CLK4: variants seen among roughly 807,000 people sequenced by gnomAD.
CLK4 encodes dual specificity protein kinase CLK4.
In CLK4, 37 loss-of-function variants were observed where a neutral mutation model predicts 64.4. The ratio of observed to expected loss-of-function variants is 0.57; its 90% CI spans 0.44 to 0.76. The LOEUF is 0.76. Ranked by LOEUF, CLK4 falls within the 30% of genes least tolerant of loss-of-function variation. The probability of loss-of-function intolerance (pLI) is 0.00; values close to 1 mark genes in which losing one functional copy is unlikely to be tolerated. For missense variants in CLK4, 457 were observed against 605.1 expected (o/e 0.76, Z 2.57); for synonymous variants, 175 against 191.6 (o/e 0.91, Z 0.72).
intron 7 of CLK4, 37 bp from the exon 8 acceptor site, chr5:178,612,927 AC>A: frequency 9.1e-7 from 1 of 1,099,958 alleles, no homozygotes. Flanking sequence ...AGTTTCACTT[AC>A]AAACTTAATT....
intron 10 of CLK4, 61 bp downstream of exon 10, chr5:178,608,315 G>T: frequency 1.6e-6 from 2 of 1,215,760 alleles, no homozygotes; most frequent in Non-Finnish European, 2.3e-6. Flanking sequence ...CAAAACTTTA[G>T]CATACCTTTA....
chr5:178,605,509 C>A, intron 10 of CLK4, 127 bp from the exon 11 acceptor site: 1 of 501,464 alleles, frequency 2.0e-6, no homozygotes, highest in Non-Finnish European at 3.4e-6. Flanking sequence ...AATAACTGGG[C>A]AAGGTTACCA....
intron 2 of CLK4, among the ~76,000 whole-genome samples, chr5:178,619,149 TTGTAA>T (rs1764670036): frequency 6.6e-6 from 1 of 152,208 alleles, no homozygotes; most frequent in African/African-American, 2.4e-5. Context: ...TTCCTTTCTC[TTGTAA>T]TGTAAGAGCA....
At chr5:178,620,346 T>C (rs1190963422) in intron 2 of CLK4, 1 of 237,308 alleles carries the variant, frequency 4.2e-6, no homozygotes, top group Non-Finnish European at 8.6e-6. Context: ...AAACTAGCAC[T>C]AACAATCTTT....
intron 9 of CLK4, among the ~76,000 whole-genome samples, chr5:178,611,909 A>G (rs999832580): frequency 2.0e-5 from 3 of 152,276 alleles, no homozygotes; most frequent in African/African-American, 4.8e-5. Context: ...CACTCCCTTA[A>G]TAAGTCCCTT....
At chr5:178,607,507 CTTTTTT>C (rs70997615) in intron 10 of CLK4, among the ~76,000 whole-genome samples, 14 of 78,060 alleles carry the variant, frequency 1.8e-4, no homozygotes, top group Admixed American at 7.6e-4. Flanking sequence ...TACACTTTGT[CTTTTTT>C]TTTTTTTTTT....
chr5:178,624,896 T>C (rs773581350), intron 1 of CLK4, among the ~76,000 whole-genome samples: 30 of 152,208 alleles, frequency 2.0e-4, no homozygotes, highest in Non-Finnish European at 3.8e-4. Flanking sequence ...CAGAGTCTGA[T>C]TGCCACCAGA....
At position 178,617,315 on chromosome 5, in the gene CLK4, T is replaced by C. The variant is rs777778200; in HGVS notation, c.475+29A>G. On this transcript the variant is annotated intron_variant, in intron 4 of 12. Transcript: ENST00000316308. This position sits in a 1 kb window ranked among gnomAD's most constrained non-coding sequence, Gnocchi z 5.2. The stretch of plus-strand genomic sequence containing the variant: ...TAAAAAGATTATTCTTTCTGCAAAG[T>C]TTAAAAAGTGTTGAAAAATATTCTA... 1 of 1,547,026 alleles carries C rather than the reference T, an allele frequency of 6.5e-7. No homozygotes were observed.
At chr5:178,623,523 T>C in intron 1 of CLK4, 107 bp from the exon 2 acceptor site, 5 of 953,700 alleles carry the variant, frequency 5.2e-6, no homozygotes, top group Non-Finnish European at 7.0e-6. Flanking sequence ...CACAGGGTCT[T>C]ACAGGCTCCA....
chr5:178,624,863 C>T lies in CLK4; in HGVS notation c.1-1447G>A, dbSNP rs556437497. Among the ~76,000 whole-genome samples the T allele has an allele frequency of 1.6e-4, 25 of 152,268 alleles. No homozygotes were observed. In the South Asian group the frequency reaches 5.2e-3, roughly 32 times the overall value. ...TTCAATTCTTCTGGGAGGTATTCCA[C>T]AAGAAAGTATGTGTCACGCCATCAG... On this transcript the variant is annotated intron_variant, in intron 1 of 12. Coordinates refer to ENST00000316308, the MANE Select transcript of CLK4 (RefSeq NM_020666.3).
At chr5:178,609,487 T>C (rs1011051924) in intron 9 of CLK4, among the ~76,000 whole-genome samples, 26 of 151,488 alleles carry the variant, frequency 1.7e-4, no homozygotes, top group African/African-American at 2.4e-4. Flanking sequence ...TCGAGACCAG[T>C]CTGACCAACA....
intron 1 of CLK4, among the ~76,000 whole-genome samples, chr5:178,625,409 T>A (rs1419517661): frequency 7.6e-6 from 1 of 132,400 alleles, no homozygotes; most frequent in African/African-American, 2.9e-5. Context: ...TGGGCGACAG[T>A]GAGACCCTGT....
intron 8 of CLK4, 97 bp from the exon 9 acceptor site, chr5:178,612,642 A>G: frequency 7.4e-7 from 1 of 1,348,344 alleles, no homozygotes. Context: ...TGATTGTCAA[A>G]GTAAGCTCAT....
chr5:178,625,884 C>A (rs1291660458), intron 1 of CLK4, among the ~76,000 whole-genome samples: 4 of 152,202 alleles, frequency 2.6e-5, no homozygotes, highest in Admixed American at 2.6e-4. Flanking sequence ...ACAAAGATCA[C>A]CCGACCCACG....
chr5:178,614,964 G>A (rs1218235311), intron 5 of CLK4, among the ~76,000 whole-genome samples: 1 of 152,154 alleles, frequency 6.6e-6, no homozygotes, highest in Non-Finnish European at 1.5e-5. Flanking sequence ...TACAATGCTA[G>A]ACAGTCAGAT....
At chr5:178,616,308 G>A (rs1007416710) in intron 5 of CLK4, among the ~76,000 whole-genome samples, 2 of 152,110 alleles carry the variant, frequency 1.3e-5, no homozygotes, top group African/African-American at 2.4e-5. Flanking sequence ...ATGTTGGTCA[G>A]GCTAGTCTTG....
chr5:178,605,357 G>A lies in CLK4; in HGVS notation c.1160C>T (p.Ala387Val). The change falls in exon 11 of 13, where the codon GCA becomes GTA. Residue 387 changes from alanine to valine, a missense_variant. Physicochemically the swap from Ala to Val is moderately conservative, Grantham distance 64. Transcript: ENST00000316308. The stretch of plus-strand genomic sequence containing the variant: ...GGGTCCTAATATTCGTTCCATCATT[G>A]CCAGGTGCTCTTTACTATCATGAGT... ...FQTHDSKEHL[A>V]MMERILGPIP... is the part of the protein sequence containing the mutation. 1 of 1,594,312 alleles carries A rather than the reference G, an allele frequency of 6.3e-7. No homozygotes were observed. Among genetic ancestry groups the A allele is most frequent in the Non-Finnish European group, 8.5e-7 (1 of 1,172,860 alleles).
At chr5:178,625,245 T>C (rs1023712613) in intron 1 of CLK4, among the ~76,000 whole-genome samples, 1 of 152,042 alleles carries the variant, frequency 6.6e-6, no homozygotes, top group African/African-American at 2.4e-5. Context: ...GAGACTGGCC[T>C]GGGCAACACG....
chr5:178,623,819 T>C (rs1005950952), intron 1 of CLK4, among the ~76,000 whole-genome samples: 2 of 152,148 alleles, frequency 1.3e-5, no homozygotes, highest in African/African-American at 4.8e-5. Context: ...ATTAGTAACG[T>C]TTTTATTTAT....
Sources: gnomAD v4.1 joint callset for allele counts (sites outside exome capture counted in the v4.1 genomes callset) on GRCh38, gnomAD v4.1.1 for gene constraint, Gnocchi (gnomAD v3.1) non-coding constraint, MANE v1.5 for transcripts, NCBI Gene and HGNC (gene_info 2026-07-23, HGNC 2026-07-21) for gene names.